Variants in PDSS2 observed in about 807,000 individuals in gnomAD.
The protein encoded by PDSS2 is decaprenyl diphosphate synthase subunit 2, also known as all trans-polyprenyl-diphosphate synthase PDSS2.
In PDSS2, 31 loss-of-function variants were observed where a neutral mutation model predicts 44.5. That is an observed-to-expected ratio of 0.70 (90% CI 0.52 to 0.94). PDSS2 has a LOEUF of 0.94. Ranked by LOEUF, PDSS2 falls within the 40% of genes least tolerant of loss-of-function variation. The pLI is 0.00. For missense variants in PDSS2, 452 were observed against 482.2 expected (o/e 0.94, Z 0.59); for synonymous variants, 157 against 180.3 (o/e 0.87, Z 1.03).
chr6:107,456,788 C>G (rs1248509395), intron 1 of PDSS2, among the ~76,000 whole-genome samples: 2 of 152,194 alleles, frequency 1.3e-5, no homozygotes, highest in African/African-American at 2.4e-5. Context: ...AGCAATCTTT[C>G]TACTTTGCCT....
intron 3 of PDSS2, among the ~76,000 whole-genome samples, chr6:107,272,533 T>C (rs972166959): frequency 3.9e-5 from 6 of 152,190 alleles, no homozygotes; most frequent in African/African-American, 1.4e-4. Context: ...ATACCAACTT[T>C]TGACTGCCTA....
chr6:107,287,023 A>G (rs1776178503), intron 2 of PDSS2, among the ~76,000 whole-genome samples: 1 of 151,018 alleles, frequency 6.6e-6, no homozygotes, highest in South Asian at 2.1e-4. Context: ...CTGGTGACAG[A>G]GCAAGACTCC....
chr6:107,383,017 C>T (rs1337513726), intron 1 of PDSS2, among the ~76,000 whole-genome samples: 1 of 151,672 alleles, frequency 6.6e-6, no homozygotes, highest in Non-Finnish European at 1.5e-5. Context: ...TAACTCAAAA[C>T]AGGGCTGGGT....
At chr6:107,381,728 A>C (rs752884288) in intron 1 of PDSS2, among the ~76,000 whole-genome samples, 29 of 152,194 alleles carry the variant, frequency 1.9e-4, no homozygotes, top group Non-Finnish European at 3.8e-4. Context: ...ATATCCTTTA[A>C]TATATTTCAT....
At position 107,154,660 on chromosome 6, in the gene PDSS2, C is replaced by A; in HGVS notation, c.1159G>T (p.Ala387Ser). The stretch of plus-strand genomic sequence containing the variant: ...ACAGCAAACACAATGTTTTCTAAAG[C>A]AGATCTGGCCTCCGAGGGAGGAAAG... The part of the protein sequence containing the change: ...ESFPPSEARS[A>S]LENIVFAVTR... The change falls in exon 8 of 8, where the codon GCT (alanine) becomes TCT (serine). Residue 387 changes from alanine to serine, a missense_variant. Coordinates refer to ENST00000369037, the MANE Select transcript of PDSS2 (RefSeq NM_020381.4). 2 of 1,614,208 alleles carry A rather than the reference C, an allele frequency of 1.2e-6. No homozygotes were observed. Among genetic ancestry groups the A allele is most frequent in the South Asian group, 1.1e-5 (1 of 91,090 alleles).
intron 1 of PDSS2, among the ~76,000 whole-genome samples, chr6:107,347,388 G>C (rs774105751): frequency 8.0e-5 from 12 of 149,234 alleles, no homozygotes; most frequent in Non-Finnish European, 1.6e-4. Flanking sequence ...TCAAGCCTCA[G>C]CCTCCCGAAT....
intron 1 of PDSS2, among the ~76,000 whole-genome samples, chr6:107,382,968 A>T (rs896400032): frequency 1.3e-5 from 2 of 152,122 alleles, no homozygotes; most frequent in Admixed American, 6.5e-5. Flanking sequence ...CATGCAAAAA[A>T]ATAAAGTTGG....
chr6:107,450,076 T>A (rs899342029), intron 1 of PDSS2, among the ~76,000 whole-genome samples: 1 of 152,202 alleles, frequency 6.6e-6, no homozygotes, highest in African/African-American at 2.4e-5. Context: ...AATTGTTGGG[T>A]CATATGGTAA....
rs1420072729 is a variant in PDSS2 at position 107,459,317 on chromosome 6, G to T, written c.-32C>A. 1.2e-6 allele frequency: 2 copies of T among 1,602,254 alleles called. No homozygotes were observed. The highest frequency in any genetic ancestry group is 1.7e-5 in the Admixed American group (1 of 59,978). ...AGTCTGGAAGGGTCTGGGACCTGGG[G>T]GTATCCAGAAGTGCCGCGGGAAACA... On this transcript the variant is annotated 5_prime_UTR_variant, in exon 1 of 8. Coordinates refer to ENST00000369037, the MANE Select transcript of PDSS2 (RefSeq NM_020381.4). This position sits in a 1 kb window ranked among gnomAD's most constrained non-coding sequence, Gnocchi z 4.3.
At chr6:107,286,614 A>C (rs1162890906) in intron 2 of PDSS2, among the ~76,000 whole-genome samples, 1 of 152,152 alleles carries the variant, frequency 6.6e-6, no homozygotes, top group Non-Finnish European at 1.5e-5. Context: ...ATTTATATTT[A>C]AAATATATGT....
At chr6:107,189,798 T>C (rs7776101) in intron 7 of PDSS2, among the ~76,000 whole-genome samples, 9,348 of 152,178 alleles carry the variant, frequency 0.061, 907 homozygotes, top group African/African-American at 0.2. Context: ...ATCTCTTCCA[T>C]TGTCAAGTGC....
At chr6:107,212,045 A>G in intron 5 of PDSS2, 64 bp downstream of exon 5, 1 of 1,367,998 alleles carries the variant, frequency 7.3e-7, no homozygotes, top group Non-Finnish European at 1.0e-6. Flanking sequence ...AAATGGCAAA[A>G]GGTTTCTTGT....
Position 107,154,432 on chromosome 6 carries a change from C to T in PDSS2, c.*187G>A, listed in dbSNP as rs1770811109. ...GGCGTGACAAGTGAAAACTGCTTGA[C>T]CTTTTTTTCTTCTAATTTTGTTTGT... On this transcript the variant is annotated 3_prime_UTR_variant, in exon 8 of 8. Coordinates refer to ENST00000369037, the MANE Select transcript of PDSS2 (RefSeq NM_020381.4). 3.3e-6 allele frequency: 2 copies of T among 598,518 alleles called. No homozygotes were observed. The highest frequency in any genetic ancestry group is 3.7e-5 in the African/African-American group (2 of 53,990). The allele number at this position is 598,518 out of a possible 1,614,324, so 37.1% of individuals were successfully genotyped here.
At chr6:107,248,122 G>A (rs893906146) in intron 3 of PDSS2, among the ~76,000 whole-genome samples, 3 of 152,046 alleles carry the variant, frequency 2.0e-5, no homozygotes, top group Non-Finnish European at 4.4e-5. Flanking sequence ...AATTTAGTAA[G>A]CTCATTTAAT....
chr6:107,360,188 T>C (rs1280044872), intron 1 of PDSS2, among the ~76,000 whole-genome samples: 2 of 152,194 alleles, frequency 1.3e-5, no homozygotes, highest in Non-Finnish European at 2.9e-5. Flanking sequence ...AAATGTTAGA[T>C]CAAGGCGCAA....
intron 6 of PDSS2, among the ~76,000 whole-genome samples, chr6:107,199,291 TTGAC>T (rs1394496073): frequency 6.6e-6 from 1 of 152,202 alleles, no homozygotes; most frequent in Admixed American, 6.5e-5. Flanking sequence ...AGTATTGTGA[TTGAC>T]TGACTGTTTG....
intron 2 of PDSS2, among the ~76,000 whole-genome samples, chr6:107,286,792 C>G (rs932799733): frequency 2.0e-5 from 3 of 152,082 alleles, no homozygotes; most frequent in South Asian, 2.1e-4. Flanking sequence ...CACCTGTAAT[C>G]CCAGCACTTT....
intron 4 of PDSS2, among the ~76,000 whole-genome samples, chr6:107,220,705 A>G (rs1324264705): frequency 6.6e-6 from 1 of 152,174 alleles, no homozygotes; most frequent in African/African-American, 2.4e-5. Context: ...AAAAAATAGA[A>G]AATTCAGAAA....
chr6:107,395,046 A>C (rs1583030597), intron 1 of PDSS2, among the ~76,000 whole-genome samples: 1 of 152,070 alleles, frequency 6.6e-6, no homozygotes, highest in Non-Finnish European at 1.5e-5. Context: ...TCTATTTATG[A>C]TATTTTCAAT....
Sources: allele counts gnomAD v4.1 joint callset (sites outside exome capture counted in the v4.1 genomes callset), GRCh38; gene constraint gnomAD v4.1.1; non-coding constraint Gnocchi (gnomAD v3.1); transcripts MANE v1.5; gene names NCBI Gene and HGNC (gene_info 2026-07-23, HGNC 2026-07-21).